PPM1B: variants seen among roughly 807,000 people sequenced by gnomAD.
The protein encoded by PPM1B is protein phosphatase, Mg2+/Mn2+ dependent 1B, also known as protein phosphatase 1B.
A neutral mutation model predicts 43.0 loss-of-function variants in PPM1B; 22 were observed. That is an observed-to-expected ratio of 0.51 (90% CI 0.37 to 0.73). The LOEUF (loss-of-function observed/expected upper bound fraction) is 0.73. PPM1B is among the 30% of genes least tolerant of loss of function. PPM1B has a pLI of 0.00. For synonymous variants in PPM1B, 217 were observed against 197.9 expected (o/e 1.10, Z -0.81); for missense variants, 632 against 584.2 (o/e 1.08, Z -0.84).
downstream of PPM1B, among the ~76,000 whole-genome samples, chr2:44,236,602 T>A (rs1368066996): frequency 6.6e-6 from 1 of 152,074 alleles, no homozygotes; most frequent in Non-Finnish European, 1.5e-5. Context: ...ATTGACAGCC[T>A]CATTAGTTTA....
intron 1 of PPM1B, among the ~76,000 whole-genome samples, chr2:44,178,475 T>TATATATATATATATATA (rs1491152402): frequency 8.4e-5 from 2 of 23,928 alleles, no homozygotes; most frequent in African/African-American, 2.1e-4. Context: ...TATATATATA[T>TATATATATATATATATA]TTTTTTTTTT....
chr2:44,222,015 CAGGGATTCTTAGTCT>C (rs879631858), intron 5 of PPM1B, among the ~76,000 whole-genome samples: 2 of 151,966 alleles, frequency 1.3e-5, no homozygotes, highest in African/African-American at 2.4e-5. Flanking sequence ...AGGGTTTAGC[CAGGGATTCTTAGTCT>C]AGGGATTCAC....
At chr2:44,243,140 G>A (rs1411714060) in intron 5 of PPM1B, among the ~76,000 whole-genome samples, 2 of 152,130 alleles carry the variant, frequency 1.3e-5, no homozygotes, top group Non-Finnish European at 2.9e-5. Flanking sequence ...TTTTCCTACA[G>A]GCAGAATAAG....
chr2:44,235,888 C>T (rs1357129155), downstream of PPM1B, among the ~76,000 whole-genome samples: 1 of 151,648 alleles, frequency 6.6e-6, no homozygotes, highest in East Asian at 2.0e-4. Flanking sequence ...AACAGCGAGA[C>T]TCCATCTCAA....
At chr2:44,182,591 T>G (rs186207944) in intron 1 of PPM1B, among the ~76,000 whole-genome samples, 278 of 152,324 alleles carry the variant, frequency 1.8e-3, no homozygotes, top group Non-Finnish European at 3.4e-3. Context: ...ACTTTGTTCT[T>G]GATTACCTAA....
Position 44,230,899 on chromosome 2 carries a change from C to A in PPM1B, c.*181C>A, listed in dbSNP as rs1437235583. On this transcript the variant is annotated 3_prime_UTR_variant, in exon 6 of 6. Coordinates refer to ENST00000282412, the MANE Select transcript of PPM1B (RefSeq NM_002706.6). ...CCTTTATGAGATAGTGTAAAATTGA[C>A]TATTTATAGTACTATGGATTTAATG... 5 of 1,334,156 alleles carry A rather than the reference C, an allele frequency of 3.7e-6. No homozygotes were observed. The African/African-American group carries it at 5.9e-5, about 16-fold the overall frequency. 82.6% of individuals were successfully genotyped at this position (1,334,156 alleles called of 1,614,324 possible).
At chr2:44,186,447 C>T (rs1325150986) in intron 1 of PPM1B, among the ~76,000 whole-genome samples, 1 of 152,210 alleles carries the variant, frequency 6.6e-6, no homozygotes, top group East Asian at 1.9e-4. Context: ...CAGCTCACTG[C>T]ACCCTCCACC....
intron 1 of PPM1B, among the ~76,000 whole-genome samples, chr2:44,181,026 C>T (rs146923253): frequency 0.012 from 1,845 of 152,100 alleles, 28 homozygotes; most frequent in Non-Finnish European, 0.018. Context: ...CTCACTGCAG[C>T]CTCGATCTCC....
Position 44,218,097 on chromosome 2 carries a change from T to C in PPM1B, c.1076+19T>C. 1 of 1,538,152 alleles carries C rather than the reference T, an allele frequency of 6.5e-7. No individual in the cohort carries two copies. Among genetic ancestry groups the C allele is most frequent in the Non-Finnish European group, 9.0e-7 (1 of 1,113,362 alleles). The stretch of plus-strand genomic sequence containing the variant: ...CTGGCAAGTAAGTAGAACAAAAAGC[T>C]AATTTTGAGTTCGTTCATAATTAGT... On this transcript the variant is annotated intron_variant, in intron 4 of 5. Coordinates refer to ENST00000282412, the MANE Select transcript of PPM1B (RefSeq NM_002706.6).
intron 5 of PPM1B, among the ~76,000 whole-genome samples, chr2:44,221,851 A>G (rs556263866): frequency 6.6e-6 from 1 of 152,160 alleles, no homozygotes; most frequent in South Asian, 2.1e-4. Flanking sequence ...ATATTCAGAA[A>G]GGTTACTATT....
intron 5 of PPM1B, among the ~76,000 whole-genome samples, chr2:44,227,246 A>G (rs1670260165): frequency 6.6e-6 from 1 of 152,152 alleles, no homozygotes; most frequent in South Asian, 2.1e-4. Flanking sequence ...AAGTGCTGGG[A>G]TTACAGGCAT....
chr2:44,179,482 C>G (rs1192733113), intron 1 of PPM1B, among the ~76,000 whole-genome samples: 1 of 151,826 alleles, frequency 6.6e-6, no homozygotes, highest in East Asian at 1.9e-4. Context: ...TATTGAGAGT[C>G]TCTCTCTCTC....
chr2:44,170,648 C>G (rs1300963817), intron 1 of PPM1B, among the ~76,000 whole-genome samples: 1 of 152,186 alleles, frequency 6.6e-6, no homozygotes, highest in African/African-American at 2.4e-5. Flanking sequence ...TTTACTTTCT[C>G]TGTTGTGCAA....
chr2:44,199,630 A>G lies in PPM1B; in HGVS notation c.-14-1556A>G, dbSNP rs371402815. On this transcript the variant is annotated intron_variant, in intron 1 of 5. Coordinates refer to ENST00000282412, the MANE Select transcript of PPM1B (RefSeq NM_002706.6). ...TAGAACTAGGCTTTAAAATCATTGT[A>G]TCACAGAGAATTAAACCAGCATGTT... is the stretch of plus-strand genomic sequence containing the variant. Among the ~76,000 whole-genome samples the G allele has an allele frequency of 2.2e-4, 33 of 152,366 alleles. No homozygotes were observed. In the East Asian group the frequency reaches 6.0e-3, roughly 28 times the overall value.
At chr2:44,202,321 CT>C (rs1668978996) in intron 2 of PPM1B, among the ~76,000 whole-genome samples, 1 of 152,136 alleles carries the variant, frequency 6.6e-6, no homozygotes, top group East Asian at 1.9e-4. Context: ...CACAGAGTGA[CT>C]TTTTCTTGAC....
chr2:44,169,074 C>T lies in PPM1B; in HGVS notation c.-215C>T. ...GGCGGCGGCCGAATCGGCAACGGCG[C>T]TAGGGTGGAGAGAAGGCGGCATCGG... On this transcript the variant is annotated 5_prime_UTR_variant, in exon 1 of 6. Coordinates refer to ENST00000282412, the MANE Select transcript of PPM1B (RefSeq NM_002706.6). The T allele has an allele frequency of 5.6e-6, 1 of 180,176 alleles. No homozygotes were observed. The highest frequency in any genetic ancestry group is 1.2e-5 in the Non-Finnish European group (1 of 86,520). The allele number at this position is 180,176 out of a possible 1,614,324, so 11.2% of individuals were successfully genotyped here. A position where few individuals can be genotyped will look rare whatever the true frequency, so the allele number is the denominator to read the frequency against.
rs1481501307 is a variant in PPM1B at position 44,218,009 on chromosome 2, C to T, written c.1007C>T (p.Ala336Val). The change falls in exon 4 of 6, where the codon GCC (alanine) becomes GTC (valine). Residue 336 changes from alanine (A) to valine (V), a missense_variant. Physicochemically the swap from Ala to Val is moderately conservative, Grantham distance 64. Transcript: ENST00000282412. ...GGCGAGGAAGGAATGCCTGATCTTG[C>T]CCATGTCATGCGCATCTTGTCTGCA... ...KSGEEGMPDLAHVMRILSAEN... is the reference protein window; with the variant it reads ...KSGEEGMPDLVHVMRILSAEN... 6.2e-7 allele frequency: 1 copy of T among 1,610,584 alleles called. No individual in the cohort carries two copies. Among genetic ancestry groups the T allele is most frequent in the Non-Finnish European group, 8.5e-7 (1 of 1,179,040 alleles).
chr2:44,209,430 TC>T lies in PPM1B; in HGVS notation c.964+104del. The T allele has an allele frequency of 5.9e-6, 7 of 1,183,686 alleles. No homozygotes were observed. The South Asian group carries it at 7.4e-5, about 13-fold the overall frequency. 73.3% of individuals were successfully genotyped at this position (1,183,686 alleles called of 1,614,324 possible). ...CTGGGCGACACACCAAGGCTCTGTC[TC>T]AAAAAAAAAAAAATTTAGAGAGGGA... is the stretch of plus-strand genomic sequence containing the variant. On this transcript the variant is annotated intron_variant, in intron 3 of 5. Coordinates refer to ENST00000282412, the MANE Select transcript of PPM1B (RefSeq NM_002706.6).
At chr2:44,179,176 T>C (rs931905619) in intron 1 of PPM1B, among the ~76,000 whole-genome samples, 23 of 152,306 alleles carry the variant, frequency 1.5e-4, no homozygotes, top group African/African-American at 5.5e-4. Flanking sequence ...CTGCCATCTA[T>C]GTAAGATGTG....
Sources: allele counts gnomAD v4.1 joint callset (sites outside exome capture counted in the v4.1 genomes callset), GRCh38; gene constraint gnomAD v4.1.1; transcripts MANE v1.5; gene names NCBI Gene and HGNC (gene_info 2026-07-23, HGNC 2026-07-21).